KDM1B: variants seen among roughly 807,000 people sequenced by gnomAD.
The protein encoded by KDM1B is lysine demethylase 1B, also known as lysine-specific histone demethylase 2.
A neutral mutation model predicts 107.4 loss-of-function variants in KDM1B; 63 were observed. The ratio of observed to expected loss-of-function variants is 0.59; its 90% CI spans 0.48 to 0.72. The LOEUF (loss-of-function observed/expected upper bound fraction) is 0.72. KDM1B is among the 30% of genes least tolerant of loss of function. The pLI is 0.00. For synonymous variants in KDM1B, 363 were observed against 363.9 expected (o/e 1.00, Z 0.03); for missense variants, 749 against 1,020.8 (o/e 0.73, Z 3.63).
At position 18,207,518 on chromosome 6, in the gene KDM1B, C is replaced by T; in HGVS notation, c.1780C>T (p.Leu594Phe). 2 of 1,614,192 alleles carry T rather than the reference C, an allele frequency of 1.2e-6. No homozygotes were observed. The highest frequency in any genetic ancestry group is 1.7e-6 in the Non-Finnish European group (2 of 1,180,028). The change falls in exon 16 of 22, where the codon CTC becomes TTC. Residue 594 changes from leucine (L) to phenylalanine (F), a missense_variant. Physicochemically the swap from Leu to Phe is conservative, Grantham distance 22. Coordinates refer to ENST00000650836, the MANE Select transcript of KDM1B (RefSeq NM_001364614.2). The part of the protein sequence containing the change: ...EKLAEGLDIQ[L>F]KSPVQCIDYS... ...ACTGGCAGAAGGGCTTGACATTCAA[C>T]TCAAATCTCCAGTGAGTATCAACTG... is the stretch of plus-strand genomic sequence containing the variant.
rs766753180 is a variant in KDM1B, at chr6:18,213,656, A to G, written c.1984A>G (p.Ile662Val). Residue 662 changes from isoleucine to valine, a missense_variant and splice_region_variant, in exon 19 of 22, where the codon ATT becomes GTT. By Grantham distance (29) the Ile-to-Val change is conservative. Transcript: ENST00000650836. This position sits in a 1 kb window ranked among gnomAD's most constrained non-coding sequence, Gnocchi z 5.9. ...CACCTTTCTTCTGCTCACTTTGCAGATTGCCTTGCAATTTCCGTATAGATT... is the reference window on the plus strand; with the variant it reads ...CACCTTTCTTCTGCTCACTTTGCAGGTTGCCTTGCAATTTCCGTATAGATT... ...NSLGAGIIEK[I>V]ALQFPYRFWD... is the part of the protein sequence containing the mutation. 8.1e-6 allele frequency: 13 copies of G among 1,613,872 alleles called. No homozygotes were observed. Among genetic ancestry groups the G allele is most frequent in the Non-Finnish European group, 1.1e-5 (13 of 1,179,980 alleles).
intron 6 of KDM1B, among the ~76,000 whole-genome samples, chr6:18,166,593 C>T (rs1164577998): frequency 6.6e-6 from 1 of 152,140 alleles, no homozygotes; most frequent in African/African-American, 2.4e-5. Context: ...ACTTGTAATC[C>T]TAGCCCTTTG....
In KDM1B at chr6:18,191,190, C is replaced by G; in HGVS notation, c.785-7C>G. 6.5e-7 allele frequency: 1 copy of G among 1,548,646 alleles called. No individual in the cohort carries two copies. The highest frequency in any genetic ancestry group is 1.7e-4 in the Middle Eastern group (1 of 5,972). Reference sequence around the variant, plus strand: ...TGTAGGAGTTGCCCATTTGTGTTACCTATCAGTTCCAGGCATGAACCGATA... The same window carrying G: ...TGTAGGAGTTGCCCATTTGTGTTACGTATCAGTTCCAGGCATGAACCGATA... On this transcript the variant is annotated splice_polypyrimidine_tract_variant and splice_region_variant and intron_variant, in intron 9 of 21. Transcript: ENST00000650836. This position sits in a 1 kb window ranked among gnomAD's most constrained non-coding sequence, Gnocchi z 5.1.
intron 10 of KDM1B, among the ~76,000 whole-genome samples, chr6:18,196,566 A>G (rs1787667798): frequency 6.6e-6 from 1 of 152,114 alleles, no homozygotes; most frequent in African/African-American, 2.4e-5. Flanking sequence ...CTTGATGATT[A>G]GTGATGGTGA....
chr6:18,197,363 T>C lies in KDM1B; in HGVS notation c.1146+130T>C. 1.1e-6 allele frequency: 1 copy of C among 934,604 alleles called. No individual in the cohort carries two copies. Among genetic ancestry groups the C allele is most frequent in the Admixed American group, 2.7e-5 (1 of 36,666 alleles). The allele number at this position is 934,604 out of a possible 1,614,324, so 57.9% of individuals were successfully genotyped here. On this transcript the variant is annotated intron_variant, in intron 11 of 21. Coordinates refer to ENST00000650836, the MANE Select transcript of KDM1B (RefSeq NM_001364614.2). This position sits in a 1 kb window ranked among gnomAD's most constrained non-coding sequence, Gnocchi z 4.5. ...TAACAGAAGCAAGGCTTTCGCAGAA[T>C]GTGTTTCTCCTGAAAGGAGAATATC...
Position 18,159,407 on chromosome 6 carries a change from T to C in KDM1B, c.-13-476T>C, listed in dbSNP as rs1044264305. Among the ~76,000 whole-genome samples, 2 of 152,228 alleles carry C rather than the reference T, an allele frequency of 1.3e-5. No homozygotes were observed. The highest frequency in any genetic ancestry group is 2.9e-5 in the Non-Finnish European group (2 of 68,042). On this transcript the variant is annotated intron_variant, in intron 2 of 21. Transcript: ENST00000650836. This position sits in a 1 kb window ranked among gnomAD's most constrained non-coding sequence, Gnocchi z 4.5. ...AAACATAGTGTGGTTTGTTTATTGG[T>C]CATTCATGTGGCATGTTTCTCATTT... is the stretch of plus-strand genomic sequence containing the variant.
At chr6:18,182,438 A>G (rs960266553) in intron 7 of KDM1B, among the ~76,000 whole-genome samples, 9 of 152,092 alleles carry the variant, frequency 5.9e-5, no homozygotes, top group Non-Finnish European at 1.2e-4. Flanking sequence ...ACAATTGACA[A>G]CTCTGTACAC....
intron 7 of KDM1B, among the ~76,000 whole-genome samples, chr6:18,183,196 C>T (rs1290385362): frequency 6.6e-6 from 1 of 150,470 alleles, no homozygotes; most frequent in African/African-American, 2.5e-5. Flanking sequence ...GTGTGCTCCT[C>T]AGTAGTTATT....
rs1278589275 is a variant in KDM1B, at chr6:18,212,915, C to T, written c.1983+311C>T. Among the ~76,000 whole-genome samples the T allele has an allele frequency of 6.6e-6, 1 of 152,162 alleles. No individual in the cohort carries two copies. The highest frequency in any genetic ancestry group is 2.4e-5 in the African/African-American group (1 of 41,436). On this transcript the variant is annotated intron_variant, in intron 18 of 21. Transcript: ENST00000650836. This position sits in a 1 kb window ranked among gnomAD's most constrained non-coding sequence, Gnocchi z 5.2. The stretch of plus-strand genomic sequence containing the variant: ...TGCTTTCTTTCTTGTCTGCTTTCCA[C>T]TCATTGGCCCCAGTGAGGACAGAGG...
chr6:18,163,139 G>T (rs1355317134), intron 5 of KDM1B, among the ~76,000 whole-genome samples: 1 of 137,618 alleles, frequency 7.3e-6, no homozygotes, highest in Non-Finnish European at 1.5e-5. Context: ...AAAAATATCT[G>T]CCATTTCTTT....
chr6:18,219,532 G>C (rs1373251990), intron 21 of KDM1B, among the ~76,000 whole-genome samples: 1 of 152,122 alleles, frequency 6.6e-6, no homozygotes, highest in Non-Finnish European at 1.5e-5. Flanking sequence ...CTTGTTTGCA[G>C]AATGTTCCTT....
intron 14 of KDM1B, among the ~76,000 whole-genome samples, chr6:18,202,750 T>C (rs1788121053): frequency 6.6e-6 from 1 of 152,210 alleles, no homozygotes; most frequent in Non-Finnish European, 1.5e-5. Flanking sequence ...AACTTCTTAG[T>C]AGCAGGGACT....
Position 18,214,869 on chromosome 6 carries a change from C to T in KDM1B, c.2110-138C>T. 1 of 728,584 alleles carries T rather than the reference C, an allele frequency of 1.4e-6. No homozygotes were observed. The allele number at this position is 728,584 out of a possible 1,614,324, so 45.1% of individuals were successfully genotyped here. On this transcript the variant is annotated intron_variant, in intron 19 of 21. Transcript: ENST00000650836. The surrounding 1 kb of genome is among the most constrained non-coding windows in gnomAD (Gnocchi z 4.4). ...AGGTTGCAGTGAGCCAAGATTGCAC[C>T]ATTGCACTCCAGCCTGGGTGACAGA...
intron 21 of KDM1B, among the ~76,000 whole-genome samples, chr6:18,220,325 T>G (rs767219665): frequency 6.6e-6 from 1 of 152,116 alleles, no homozygotes; most frequent in Non-Finnish European, 1.5e-5. Context: ...GAGACAGGTG[T>G]ATCACCTGAG....
In KDM1B at chr6:18,191,090, A is replaced by G. The variant is rs1197858493; in HGVS notation, c.785-107A>G. 1.2e-6 allele frequency: 1 copy of G among 824,092 alleles called. No individual in the cohort carries two copies. The highest frequency in any genetic ancestry group is 2.6e-5 in the Admixed American group (1 of 37,862). 51.0% of individuals were successfully genotyped at this position (824,092 alleles called of 1,614,324 possible). A position where few individuals can be genotyped will look rare whatever the true frequency, so the allele number is the denominator to read the frequency against. On this transcript the variant is annotated intron_variant, in intron 9 of 21. Coordinates refer to ENST00000650836, the MANE Select transcript of KDM1B (RefSeq NM_001364614.2). This position sits in a 1 kb window ranked among gnomAD's most constrained non-coding sequence, Gnocchi z 5.1. ...AAGCAAAGGTATTTATGTAGGGTAG[A>G]GAGTGGAGCTTGTCTAGGCTTACTT... is the stretch of plus-strand genomic sequence containing the variant.
In KDM1B at chr6:18,197,029, A is replaced by G; in HGVS notation, c.970-28A>G. 1 of 1,567,994 alleles carries G rather than the reference A, an allele frequency of 6.4e-7. No homozygotes were observed. Among genetic ancestry groups the G allele is most frequent in the East Asian group, 2.3e-5 (1 of 44,132 alleles). ...GAATTTCTTGGGACTTTTTTAAAAA[A>G]GCAGTTTGGTTTTATTTCCAAACAC... On this transcript the variant is annotated intron_variant, in intron 10 of 21. Coordinates refer to ENST00000650836, the MANE Select transcript of KDM1B (RefSeq NM_001364614.2). This position sits in a 1 kb window ranked among gnomAD's most constrained non-coding sequence, Gnocchi z 4.5.
At chr6:18,216,503 A>C (rs927704848) in intron 20 of KDM1B, among the ~76,000 whole-genome samples, 1 of 152,186 alleles carries the variant, frequency 6.6e-6, no homozygotes, top group African/African-American at 2.4e-5. Context: ...TTCTATAGAA[A>C]TATTGTTTAT....
intron 7 of KDM1B, among the ~76,000 whole-genome samples, chr6:18,184,441 A>C (rs1786699529): frequency 6.6e-6 from 1 of 151,406 alleles, no homozygotes; most frequent in African/African-American, 2.4e-5. Flanking sequence ...TGCCCGGCTA[A>C]TTTTTGTATT....
At chr6:18,168,090 A>G (rs1027199034) in intron 6 of KDM1B, among the ~76,000 whole-genome samples, 1 of 152,192 alleles carries the variant, frequency 6.6e-6, no homozygotes, top group African/African-American at 2.4e-5. Context: ...ATTATAAGTA[A>G]TGCTGAGCTT....
Sources: gnomAD v4.1 joint callset for allele counts (sites outside exome capture counted in the v4.1 genomes callset) on GRCh38, gnomAD v4.1.1 for gene constraint, Gnocchi (gnomAD v3.1) non-coding constraint, MANE v1.5 for transcripts, NCBI Gene and HGNC (gene_info 2026-07-23, HGNC 2026-07-21) for gene names.